Variants in NRXN3 observed in about 807,000 individuals in gnomAD.
NRXN3 encodes the protein neurexin 3, also known as neurexin III.
In NRXN3, 32 loss-of-function variants were observed where a neutral mutation model predicts 137.6. The observed-to-expected ratio is 0.23, with a 90% CI of 0.18 to 0.31. The LOEUF (loss-of-function observed/expected upper bound fraction) is 0.31, where lower values mean the gene tolerates loss of function less well. Among genes scored for constraint, NRXN3 ranks in the 10% least tolerant of loss-of-function variants. The pLI, the probability that NRXN3 is intolerant of heterozygous loss-of-function variation, is 1.00. For synonymous variants in NRXN3, 798 were observed against 784.5 expected, an observed-to-expected ratio of 1.02 and a Z score of -0.29; for missense variants, 1,574 against 2,062.5, an observed-to-expected ratio of 0.76 and a Z score of 4.59.
chr14:79,775,892 C>A (rs1196190000), intron 19 of NRXN3, among the ~76,000 whole-genome samples: 6 of 152,180 alleles, frequency 3.9e-5, no homozygotes, highest in Non-Finnish European at 8.8e-5. Flanking sequence ...AAGGATCAAA[C>A]AATACCCTCA....
chr14:78,866,462 T>G (rs2152549051), intron 10 of NRXN3, among the ~76,000 whole-genome samples: 1 of 152,324 alleles, frequency 6.6e-6, no homozygotes, highest in Non-Finnish European at 1.5e-5. Context: ...ACAAGCTATC[T>G]TTAACCCACC....
At chr14:79,824,241 A>G (rs1211370144) in intron 20 of NRXN3, among the ~76,000 whole-genome samples, 1 of 152,198 alleles carries the variant, frequency 6.6e-6, no homozygotes, top group Non-Finnish European at 1.5e-5. Context: ...ATGTCCAGAA[A>G]ATTAAATCAG....
intron 17 of NRXN3, among the ~76,000 whole-genome samples, chr14:79,668,130 A>G (rs1002320560): frequency 2.0e-5 from 3 of 152,058 alleles, no homozygotes; most frequent in Non-Finnish European, 4.4e-5. Flanking sequence ...GATGACCTAC[A>G]TTTAAATCCT....
Position 79,110,798 on chromosome 14 carries a change from T to TTTATTTATTTATTTA in NRXN3, c.3262+122659_3262+122660insATTTATTTATTTATT, listed in dbSNP as rs59008765. 1.6e-4 allele frequency among the ~76,000 whole-genome samples: 22 copies of TTTATTTATTTATTTA among 135,646 alleles called. 1 individual carries two copies. The highest frequency in any genetic ancestry group is 2.5e-4 in the South Asian group (1 of 4,008). 89.0% of individuals were successfully genotyped at this position (135,646 alleles called of 152,430 possible). A position where few individuals can be genotyped will look rare whatever the true frequency, so the allele number is the denominator to read the frequency against. ...TATTTATTTATTTATTTATTTATTT[T>TTTATTTATTTATTTA]TTTATTTTTTGAGACGGAGTCTCGA... is the stretch of plus-strand genomic sequence containing the variant. On this transcript the variant is annotated intron_variant, in intron 15 of 20. Transcript: ENST00000335750.
chr14:78,539,761 T>G (rs2096570944), intron 4 of NRXN3, among the ~76,000 whole-genome samples: 1 of 152,206 alleles, frequency 6.6e-6, no homozygotes. Flanking sequence ...TAAATTTCCC[T>G]GTACACACTG....
intron 10 of NRXN3, among the ~76,000 whole-genome samples, chr14:78,884,088 A>G (rs1172971910): frequency 3.9e-5 from 6 of 152,074 alleles, no homozygotes; most frequent in Non-Finnish European, 8.8e-5. Flanking sequence ...TCTTCAGTTC[A>G]TTTAATCATG....
chr14:79,055,241 A>G (rs1260068933), intron 15 of NRXN3, among the ~76,000 whole-genome samples: 1 of 152,210 alleles, frequency 6.6e-6, no homozygotes, highest in Non-Finnish European at 1.5e-5. Context: ...CAGGTGGATC[A>G]TGGTAATAGT....
intron 19 of NRXN3, among the ~76,000 whole-genome samples, chr14:79,745,402 C>T (rs2098976634): frequency 1.3e-5 from 2 of 152,128 alleles, no homozygotes; most frequent in African/African-American, 4.8e-5. Flanking sequence ...ATGTCCACAA[C>T]ACCTCATTAA....
intron 15 of NRXN3, among the ~76,000 whole-genome samples, chr14:79,161,388 GT>G (rs1241696763): frequency 1.3e-5 from 2 of 151,888 alleles, no homozygotes; most frequent in Non-Finnish European, 2.9e-5. Context: ...ATGTGTCTCT[GT>G]CAATTGTATT....
chr14:79,474,442 T>C (rs968721832), intron 16 of NRXN3, among the ~76,000 whole-genome samples: 1 of 152,122 alleles, frequency 6.6e-6, no homozygotes, highest in East Asian at 1.9e-4. Context: ...AATTTTTTAA[T>C]TTCTGTTTCA....
chr14:79,173,187 C>T (rs2061953645), intron 15 of NRXN3, among the ~76,000 whole-genome samples: 1 of 151,990 alleles, frequency 6.6e-6, no homozygotes, highest in Non-Finnish European at 1.5e-5. Flanking sequence ...AAACAAGAAT[C>T]CTATATGCTA....
chr14:78,458,142 G>T (rs2094805377), intron 4 of NRXN3, among the ~76,000 whole-genome samples: 1 of 152,176 alleles, frequency 6.6e-6, no homozygotes, highest in Non-Finnish European at 1.5e-5. Context: ...CTCTATCTTT[G>T]TTATACTGGT....
intron 8 of NRXN3, among the ~76,000 whole-genome samples, chr14:78,774,949 T>G (rs377020784): frequency 6.6e-6 from 1 of 151,806 alleles, no homozygotes; most frequent in Admixed American, 6.6e-5. Flanking sequence ...AAAATAGAGG[T>G]TAAATAACTC....
At chr14:79,521,906 A>G (rs566713332) in intron 16 of NRXN3, among the ~76,000 whole-genome samples, 8 of 152,286 alleles carry the variant, frequency 5.3e-5, no homozygotes, top group African/African-American at 1.9e-4. Context: ...GAAGGTAAAT[A>G]CCATTTGTAA....
At chr14:78,641,665 G>A (rs189669397) in intron 4 of NRXN3, among the ~76,000 whole-genome samples, 38 of 152,310 alleles carry the variant, frequency 2.5e-4, no homozygotes, top group Non-Finnish European at 3.1e-4. Context: ...GCTGATCTTG[G>A]TAGCCTCCTC....
At chr14:78,344,307 G>C (rs1050959167) in intron 4 of NRXN3, among the ~76,000 whole-genome samples, 1 of 152,098 alleles carries the variant, frequency 6.6e-6, no homozygotes, top group Non-Finnish European at 1.5e-5. Flanking sequence ...CCTACCCTAG[G>C]GCATATTGGA....
At chr14:79,492,177 A>G (rs1273260496) in intron 16 of NRXN3, among the ~76,000 whole-genome samples, 1 of 152,178 alleles carries the variant, frequency 6.6e-6, no homozygotes, top group African/African-American at 2.4e-5. Context: ...ATAAACTCCA[A>G]AAAAATTAAT....
chr14:79,067,187 T>G (rs1418603204), intron 15 of NRXN3, among the ~76,000 whole-genome samples: 1 of 150,956 alleles, frequency 6.6e-6, no homozygotes, highest in Non-Finnish European at 1.5e-5. Flanking sequence ...GGATGTTGAA[T>G]TTTTTGAAGT....
intron 8 of NRXN3, among the ~76,000 whole-genome samples, chr14:78,726,529 T>C (rs547483514): frequency 6.7e-6 from 1 of 149,752 alleles, no homozygotes; most frequent in Admixed American, 6.7e-5. Context: ...TTTTTTTTTT[T>C]TTTTTTGAGA....
Sources: allele counts gnomAD v4.1 joint callset (sites outside exome capture counted in the v4.1 genomes callset), GRCh38; gene constraint gnomAD v4.1.1; transcripts MANE v1.5; gene names NCBI Gene and HGNC (gene_info 2026-07-23, HGNC 2026-07-21).